Variants in KANK4 observed in about 807,000 individuals in gnomAD.
KANK4 encodes KN motif and ankyrin repeat domain-containing protein 4.
In KANK4, 50 loss-of-function variants were observed where a neutral mutation model predicts 80.8. That is an observed-to-expected ratio of 0.62 (90% CI 0.49 to 0.78). The LOEUF is 0.78. KANK4 is among the 30% of genes least tolerant of loss of function. The pLI is 0.00. For synonymous variants in KANK4, 465 were observed against 506.9 expected, an observed-to-expected ratio of 0.92 and a Z score of 1.11; for missense variants, 1,196 against 1,240.1, an observed-to-expected ratio of 0.96 and a Z score of 0.53.
In KANK4 at chr1:62,247,748, C is replaced by T; in HGVS notation, c.2683-76G>A. 5 of 1,217,776 alleles carry T rather than the reference C, an allele frequency of 4.1e-6. 1 individual carries two copies. Among genetic ancestry groups the T allele is most frequent in the Non-Finnish European group, 1.2e-6 (1 of 838,940 alleles). 75.4% of individuals were successfully genotyped at this position (1,217,776 alleles called of 1,614,324 possible). A position where few individuals can be genotyped will look rare whatever the true frequency, so the allele number is the denominator to read the frequency against. On this transcript the variant is annotated intron_variant, in intron 8 of 9. Transcript: ENST00000371153. Reference sequence around the variant, plus strand: ...ACCCCCTCTCCAGCCTGGGTGTGCTCATCAGAGACTTCTCAATACCACAAC... The same window carrying T: ...ACCCCCTCTCCAGCCTGGGTGTGCTTATCAGAGACTTCTCAATACCACAAC...
chr1:62,267,038 C>T (rs778690997), intron 5 of KANK4, among the ~76,000 whole-genome samples: 1 of 151,850 alleles, frequency 6.6e-6, no homozygotes, highest in East Asian at 1.9e-4. Context: ...AGTGTGTTGC[C>T]CATTTAATCC....
intron 1 of KANK4, among the ~76,000 whole-genome samples, chr1:62,292,416 C>T (rs1052718431): frequency 1.3e-5 from 2 of 152,184 alleles, no homozygotes; most frequent in African/African-American, 4.8e-5. Context: ...TCTGCCCTTA[C>T]ATGGTGCCAC....
chr1:62,281,714 G>A, intron 1 of KANK4, 80 bp from the exon 2 acceptor site: 1 of 892,110 alleles, frequency 1.1e-6, no homozygotes, highest in South Asian at 1.3e-5. Flanking sequence ...ACTAAACAAA[G>A]TAACATCCAT....
intron 1 of KANK4, among the ~76,000 whole-genome samples, chr1:62,285,597 A>C (rs1031553049): frequency 2.0e-5 from 3 of 152,212 alleles, no homozygotes; most frequent in Non-Finnish European, 4.4e-5. Flanking sequence ...AGCAGGCTGC[A>C]TGCCAAAATA....
chr1:62,266,643 C>T, intron 6 of KANK4, 89 bp downstream of exon 6: 1 of 832,310 alleles, frequency 1.2e-6, no homozygotes, highest in Non-Finnish European at 2.0e-6. Context: ...GCCTGCCTCA[C>T]ACCACTGAAT....
intron 7 of KANK4, among the ~76,000 whole-genome samples, chr1:62,257,677 T>C (rs1032862269): frequency 1.3e-5 from 2 of 152,038 alleles, no homozygotes; most frequent in Admixed American, 1.3e-4. Flanking sequence ...GGTTTGAGAG[T>C]GTGACAGATC....
intron 4 of KANK4, among the ~76,000 whole-genome samples, chr1:62,269,383 C>T (rs2149138382): frequency 6.6e-6 from 1 of 152,300 alleles, no homozygotes; most frequent in Non-Finnish European, 1.5e-5. Context: ...CCCCTAAGGA[C>T]CCTTCTCTGA....
chr1:62,239,483 A>C (rs913293189), intron 9 of KANK4, among the ~76,000 whole-genome samples: 12 of 152,222 alleles, frequency 7.9e-5, no homozygotes, highest in Middle Eastern at 6.8e-3. Context: ...GCATTTTCCC[A>C]TTTTAAATTA....
At chr1:62,318,766 T>TCC (rs756671648) in intron 1 of KANK4, among the ~76,000 whole-genome samples, 107 of 151,974 alleles carry the variant, frequency 7.0e-4, no homozygotes, top group Middle Eastern at 3.2e-3. Context: ...CAGCACGGCC[T>TCC]CCCCCTCCTC....
intron 1 of KANK4, among the ~76,000 whole-genome samples, chr1:62,314,160 T>A (rs1057066909): frequency 6.6e-6 from 1 of 152,022 alleles, no homozygotes; most frequent in Admixed American, 6.6e-5. Context: ...ATTACAGGCA[T>A]GTGCTACCAT....
Position 62,306,136 on chromosome 1 carries a change from C to A in KANK4, c.-71+12970G>T, listed in dbSNP as rs555645335. Among the ~76,000 whole-genome samples, 13 of 152,240 alleles carry A rather than the reference C, an allele frequency of 8.5e-5. 1 individual carries two copies. The South Asian group carries it at 2.7e-3, about 32-fold the overall frequency. On this transcript the variant is annotated intron_variant, in intron 1 of 9. Transcript: ENST00000371153. ...AGTAGGTGGGACTACAGGCATGTGC[C>A]ACCATGCCCAGCTAATTTTTATTTT... is the stretch of plus-strand genomic sequence containing the variant.
At chr1:62,241,337 G>C (rs142752951) in intron 9 of KANK4, among the ~76,000 whole-genome samples, 1 of 152,136 alleles carries the variant, frequency 6.6e-6, no homozygotes, top group Non-Finnish European at 1.5e-5. Context: ...AAGATGGCTC[G>C]GGGGGAGGCA....
chr1:62,248,083 T>C (rs934242841), intron 8 of KANK4, among the ~76,000 whole-genome samples: 7 of 152,170 alleles, frequency 4.6e-5, no homozygotes, highest in African/African-American at 1.7e-4. Flanking sequence ...TTGAGCATCA[T>C]GGCTTCTTAC....
chr1:62,290,408 G>A (rs535814504), intron 1 of KANK4, among the ~76,000 whole-genome samples: 2 of 152,270 alleles, frequency 1.3e-5, no homozygotes, highest in African/African-American at 2.4e-5. Flanking sequence ...GGGCTTTGAG[G>A]TAAGACAGGC....
At chr1:62,277,820 G>A (rs1672345900) in intron 2 of KANK4, among the ~76,000 whole-genome samples, 2 of 152,170 alleles carry the variant, frequency 1.3e-5, no homozygotes, top group Non-Finnish European at 2.9e-5. Context: ...ACTGAACTGA[G>A]CCTGTATTAA....
Position 62,273,895 on chromosome 1 carries a change from G to C in KANK4, c.1209C>G (p.Ala403=). ...CGTCCGTCTGGCCCTGAGTGTCTTT[G>C]GCGTTCTCTTGGTGAAACTGTCCTT... ...QLEGQFHQEN[A]KDTQGQTDVM... The change falls in exon 3 of 10, where the codon GCC becomes GCG. Residue 403 remains alanine (A), a synonymous_variant. Coordinates refer to ENST00000371153, the MANE Select transcript of KANK4 (RefSeq NM_181712.5). The C allele has an allele frequency of 6.2e-7, 1 of 1,614,202 alleles. No homozygotes were observed. Among genetic ancestry groups the C allele is most frequent in the Non-Finnish European group, 8.5e-7 (1 of 1,180,036 alleles).
intron 9 of KANK4, among the ~76,000 whole-genome samples, chr1:62,244,707 T>C (rs747951381): frequency 3.9e-5 from 6 of 152,114 alleles, no homozygotes; most frequent in Non-Finnish European, 7.4e-5. Flanking sequence ...CAGTCTCGGG[T>C]ATGTCTTTAT....
intron 1 of KANK4, among the ~76,000 whole-genome samples, chr1:62,305,452 G>A (rs1571048216): frequency 6.6e-6 from 1 of 152,232 alleles, no homozygotes; most frequent in South Asian, 2.1e-4. Context: ...GGGATTACAG[G>A]CGCCTGCCAC....
chr1:62,279,577 C>A (rs1672408179), intron 2 of KANK4, among the ~76,000 whole-genome samples: 1 of 152,214 alleles, frequency 6.6e-6, no homozygotes, highest in Non-Finnish European at 1.5e-5. Flanking sequence ...GCAATTATTT[C>A]ATTTCCCTCT....
Sources: allele counts gnomAD v4.1 joint callset (sites outside exome capture counted in the v4.1 genomes callset), GRCh38; gene constraint gnomAD v4.1.1; transcripts MANE v1.5; gene names NCBI Gene and HGNC (gene_info 2026-07-23, HGNC 2026-07-21).